Variants in PCDHGA3 observed in about 807,000 individuals in gnomAD.
PCDHGA3 encodes protocadherin gamma subfamily A, 3.
A neutral mutation model predicts 58.5 loss-of-function variants in PCDHGA3; 40 were observed. That is an observed-to-expected ratio of 0.68 (90% CI 0.53 to 0.89). The LOEUF is 0.89. Ranked by LOEUF, PCDHGA3 falls within the 40% of genes least tolerant of loss-of-function variation. The probability of loss-of-function intolerance (pLI) is 0.00; values close to 1 mark genes in which losing one functional copy is unlikely to be tolerated. For missense variants in PCDHGA3, 1,223 were observed against 1,195.9 expected (o/e 1.02, Z -0.33); for synonymous variants, 530 against 525.7 (o/e 1.01, Z -0.11).
chr5:141,364,778 A>T, intron 1 of PCDHGA3: 2 of 1,614,006 alleles, frequency 1.2e-6, no homozygotes, highest in Non-Finnish European at 1.7e-6. Context: ...GGCTGCAGGG[A>T]CACGGTTAGT....
Position 141,476,962 on chromosome 5 carries a change from C to T in PCDHGA3, c.2425-17845C>T. The stretch of plus-strand genomic sequence containing the variant: ...GCCCCAACGGTGAAATTATTTACTC[C>T]TTCGGCAGCCACAACCGCGCCGGCG... On this transcript the variant is annotated intron_variant, in intron 1 of 3. Coordinates refer to ENST00000253812, the MANE Select transcript of PCDHGA3 (RefSeq NM_018916.4). The surrounding 1 kb of genome is among the most constrained non-coding windows in gnomAD (Gnocchi z 7.6). 6.2e-7 allele frequency: 1 copy of T among 1,614,200 alleles called. No homozygotes were observed. Among genetic ancestry groups the T allele is most frequent in the South Asian group, 1.1e-5 (1 of 91,090 alleles).
intron 1 of PCDHGA3, among the ~76,000 whole-genome samples, chr5:141,459,724 T>C (rs1440632046): frequency 6.6e-6 from 1 of 152,250 alleles, no homozygotes; most frequent in Non-Finnish European, 1.5e-5. Context: ...TGCTTCCTAT[T>C]GTCAATTTTT....
At chr5:141,346,497 G>A (rs901340582) in intron 1 of PCDHGA3, 40 bp downstream of exon 1, 7 of 1,611,444 alleles carry the variant, frequency 4.3e-6, no homozygotes, top group Non-Finnish European at 5.9e-6. Context: ...GAACAAATAT[G>A]AGAATGTGGT....
chr5:141,456,122 C>A (rs1411002229), intron 1 of PCDHGA3, among the ~76,000 whole-genome samples: 1 of 152,176 alleles, frequency 6.6e-6, no homozygotes, highest in East Asian at 1.9e-4. Context: ...TGGTCTCCAT[C>A]TCCTGACCTC....
chr5:141,364,451 A>AAAGGCTC, intron 1 of PCDHGA3: 1 of 1,613,974 alleles, frequency 6.2e-7, no homozygotes, highest in Non-Finnish European at 8.5e-7. Context: ...GGAGCTGGAC[A>AAAGGCTC]AAGGCTCCTT....
chr5:141,460,498 T>C (rs1028506755), intron 1 of PCDHGA3, among the ~76,000 whole-genome samples: 3 of 152,184 alleles, frequency 2.0e-5, no homozygotes, highest in African/African-American at 7.2e-5. Context: ...TGGAAAAATA[T>C]GCTGAGAAGG....
intron 1 of PCDHGA3, chr5:141,393,111 C>T (rs762190466): frequency 1.2e-6 from 2 of 1,613,380 alleles, no homozygotes; most frequent in African/African-American, 2.7e-5. Context: ...CGCTCAGAGC[C>T]CGCGGTGTCT....
intron 1 of PCDHGA3, chr5:141,403,191 G>A (rs368387997): frequency 1.1e-5 from 18 of 1,613,876 alleles, no homozygotes; most frequent in Non-Finnish European, 1.4e-5. Context: ...CTGAACCCGC[G>A]CAGCGGCACC....
At chr5:141,383,254 A>G (rs1482301595) in intron 1 of PCDHGA3, 1 of 1,613,948 alleles carries the variant, frequency 6.2e-7, no homozygotes, top group African/African-American at 1.3e-5. Context: ...TCTTTACCCT[A>G]TAGACGTGGA....
intron 3 of PCDHGA3, 111 bp from the exon 4 acceptor site, chr5:141,510,836 G>C: frequency 6.3e-7 from 1 of 1,584,882 alleles, no homozygotes; most frequent in African/African-American, 1.3e-5. Flanking sequence ...TGCTCAGCGT[G>C]GTCAAGGCCC....
chr5:141,511,486 TC>T lies in PCDHGA3; in HGVS notation c.*315del. The T allele has an allele frequency of 2.2e-6, 1 of 449,906 alleles. No homozygotes were observed. 27.9% of individuals were successfully genotyped at this position (449,906 alleles called of 1,614,324 possible). A position where few individuals can be genotyped will look rare whatever the true frequency, so the allele number is the denominator to read the frequency against. On this transcript the variant is annotated 3_prime_UTR_variant, in exon 4 of 4. Transcript: ENST00000253812. ...CCCCGTTTAGTTACAGCTGAACTCC[TC>T]CATCTTCCAAATCAATCAGGCCCAT...
chr5:141,410,032 G>C (rs1395086834), intron 1 of PCDHGA3: 5 of 1,613,162 alleles, frequency 3.1e-6, no homozygotes, highest in African/African-American at 1.3e-5. Flanking sequence ...ACGTGCTGCA[G>C]GCCAGTGAGC....
chr5:141,414,620 A>G, intron 1 of PCDHGA3: 4 of 1,613,938 alleles, frequency 2.5e-6, no homozygotes, highest in Non-Finnish European at 3.4e-6. Flanking sequence ...ACAGCGCTGG[A>G]CCCGGACAGC....
At chr5:141,430,811 A>T in intron 1 of PCDHGA3, 1 of 1,527,400 alleles carries the variant, frequency 6.5e-7, no homozygotes, top group Non-Finnish European at 8.8e-7. Context: ...CCTGCTGGGA[A>T]TCCTCCTGGG....
intron 1 of PCDHGA3, chr5:141,388,960 A>C: frequency 1.2e-6 from 2 of 1,614,038 alleles, no homozygotes; most frequent in Non-Finnish European, 1.7e-6. Context: ...GAGGACGCCG[A>C]GCTGGGAACA....
At position 141,356,140 on chromosome 5, in the gene PCDHGA3, T is replaced by C. The variant is rs756946574; in HGVS notation, c.2424+9683T>C. ...GGGTCTAGATTATGAGGACTCTGGA[T>C]TCTATGACATAGATGTAGAAGCCCA... On this transcript the variant is annotated intron_variant, in intron 1 of 3. Transcript: ENST00000253812. 2.0e-5 allele frequency: 32 copies of C among 1,613,616 alleles called. No homozygotes were observed. Among genetic ancestry groups the C allele is most frequent in the Non-Finnish European group, 2.5e-5 (30 of 1,179,778 alleles).
At chr5:141,503,478 C>T (rs1249372985) in intron 2 of PCDHGA3, among the ~76,000 whole-genome samples, 3 of 151,680 alleles carry the variant, frequency 2.0e-5, no homozygotes, top group East Asian at 1.9e-4. Context: ...GTGCACTTGT[C>T]GTCCCAGCTG....
chr5:141,398,135 G>C, intron 1 of PCDHGA3: 1 of 1,556,792 alleles, frequency 6.4e-7, no homozygotes, highest in Non-Finnish European at 8.6e-7. Context: ...GGGATGGGGA[G>C]CGGCGCCGGG....
chr5:141,478,783 T>G (rs1435790850), intron 1 of PCDHGA3: 2 of 1,483,968 alleles, frequency 1.3e-6, no homozygotes, highest in Admixed American at 4.6e-5. Flanking sequence ...TGGACCTAAT[T>G]CACATCCTCA....
Sources: gnomAD v4.1 joint callset for allele counts (sites outside exome capture counted in the v4.1 genomes callset) on GRCh38, gnomAD v4.1.1 for gene constraint, Gnocchi (gnomAD v3.1) non-coding constraint, MANE v1.5 for transcripts, NCBI Gene and HGNC (gene_info 2026-07-23, HGNC 2026-07-21) for gene names.